Variants in MECR observed in about 807,000 individuals in gnomAD.
The protein encoded by MECR is mitochondrial trans-2-enoyl-CoA reductase.
In MECR, 37 loss-of-function variants were observed where a neutral mutation model predicts 49.1. The observed-to-expected ratio is 0.75, with a 90% CI of 0.58 to 0.99. MECR has a LOEUF of 0.99. MECR is among the 50% of genes least tolerant of loss of function. MECR has a pLI of 0.00. For synonymous variants in MECR, 198 were observed against 191.1 expected (o/e 1.04, Z -0.30); for missense variants, 470 against 479.6 (o/e 0.98, Z 0.19).
At chr1:29,177,772 C>T in the MECR span, among the ~76,000 whole-genome samples, 2 of 152,064 alleles carry the variant, frequency 1.3e-5, no homozygotes, top group East Asian at 1.9e-4. Flanking sequence ...AGGCAATGAA[C>T]TCTTGCTTAC....
At chr1:29,179,578 G>C in the MECR span, among the ~76,000 whole-genome samples, 1 of 152,028 alleles carries the variant, frequency 6.6e-6, no homozygotes, top group Non-Finnish European at 1.5e-5. Flanking sequence ...CAAACTCCTG[G>C]CCTGAAGTAA....
intron 7 of MECR, among the ~76,000 whole-genome samples, chr1:29,196,646 C>G (rs1055480742): frequency 6.6e-6 from 1 of 152,132 alleles, no homozygotes; most frequent in Non-Finnish European, 1.5e-5. Flanking sequence ...CCTGATCGCA[C>G]TACTGCACTC....
intron 7 of MECR, among the ~76,000 whole-genome samples, chr1:29,198,347 G>A (rs1196370117): frequency 1.3e-5 from 2 of 152,236 alleles, no homozygotes; most frequent in African/African-American, 4.8e-5. Flanking sequence ...AAGAGACGGA[G>A]GCCTGGATTG....
chr1:29,187,374 G>A, the MECR span, among the ~76,000 whole-genome samples: 1 of 151,524 alleles, frequency 6.6e-6, no homozygotes, highest in Non-Finnish European at 1.5e-5. Context: ...CACCATGCCT[G>A]GGTAATTTTT....
chr1:29,195,314 CTGCCTTCA>C, intron 9 of MECR, among the ~76,000 whole-genome samples: 1 of 152,248 alleles, frequency 6.6e-6, no homozygotes. Flanking sequence ...GCCTGAAACA[CTGCCTTCA>C]TGCCACCACC....
the MECR span, chr1:29,173,012 G>A: frequency 2.0e-5 from 3 of 151,720 alleles, no homozygotes; most frequent in Non-Finnish European, 2.9e-5. Flanking sequence ...ACACAAAATT[G>A]CACGTAAAAC....
intron 1 of MECR, among the ~76,000 whole-genome samples, chr1:29,217,459 C>T (rs533686977): frequency 6.6e-5 from 10 of 152,184 alleles, no homozygotes; most frequent in South Asian, 2.1e-4. Flanking sequence ...TCGTGATCTG[C>T]CTGCCTCGGC....
chr1:29,207,469 G>A (rs569391711), intron 3 of MECR, among the ~76,000 whole-genome samples: 209 of 152,010 alleles, frequency 1.4e-3, no homozygotes, highest in Non-Finnish European at 2.5e-3. Context: ...AATGGGGTGT[G>A]GTGGCTCATG....
the MECR span, among the ~76,000 whole-genome samples, chr1:29,176,783 T>C: frequency 6.6e-6 from 1 of 152,172 alleles, no homozygotes; most frequent in African/African-American, 2.4e-5. Flanking sequence ...AAAAATTTTC[T>C]GGTAATAATT....
rs901286591 is a variant in MECR, at chr1:29,206,610, T to G, written c.550+152A>C. 4.0e-5 allele frequency: 35 copies of G among 869,370 alleles called. No individual in the cohort carries two copies. The African/African-American group carries it at 5.6e-4, about 14-fold the overall frequency. 53.9% of individuals were successfully genotyped at this position (869,370 alleles called of 1,614,324 possible). Reference sequence around the variant, plus strand: ...TTCCTAGGAACCAAGCTAACATCTTTCTAAGTGAAAGCAACAACATTCACC... The same window carrying G: ...TTCCTAGGAACCAAGCTAACATCTTGCTAAGTGAAAGCAACAACATTCACC... On this transcript the variant is annotated intron_variant, in intron 4 of 9. Transcript: ENST00000263702.
the MECR span, chr1:29,181,984 C>G: frequency 2.7e-6 from 1 of 368,142 alleles, no homozygotes; most frequent in South Asian, 7.0e-5. Flanking sequence ...GCTTCCCGCT[C>G]GGCCAGGACT....
the MECR span, chr1:29,172,404 G>T: frequency 6.6e-6 from 1 of 152,124 alleles, no homozygotes; most frequent in Non-Finnish European, 1.5e-5. Flanking sequence ...CGGTTCTCCT[G>T]CCTCAGCCTC....
intron 1 of MECR, among the ~76,000 whole-genome samples, chr1:29,218,082 A>C (rs1488822546): frequency 1.3e-5 from 2 of 152,198 alleles, no homozygotes; most frequent in African/African-American, 4.8e-5. Flanking sequence ...AGCCTCTTCC[A>C]TGTTAAGTGG....
At chr1:29,215,190 T>C (rs1477531057) in intron 3 of MECR, among the ~76,000 whole-genome samples, 1 of 152,206 alleles carries the variant, frequency 6.6e-6, no homozygotes, top group African/African-American at 2.4e-5. Flanking sequence ...CTGCTGAGGC[T>C]ACAATGGATT....
intron 3 of MECR, among the ~76,000 whole-genome samples, chr1:29,210,548 T>C (rs984452550): frequency 1.3e-5 from 2 of 152,164 alleles, no homozygotes; most frequent in African/African-American, 4.8e-5. Context: ...ATCCAGGGCA[T>C]TTTCTAATTC....
intron 3 of MECR, 122 bp downstream of exon 3, chr1:29,215,883 A>G (rs1679268224): frequency 8.3e-7 from 1 of 1,208,082 alleles, no homozygotes; most frequent in South Asian, 1.6e-5. Context: ...AAATAAATAA[A>G]TAAATAAAAA....
chr1:29,201,177 G>C lies in MECR; in HGVS notation c.757-588C>G, dbSNP rs1675225281. ...AACTCATCTTCTCTGGGAAAGAATA[G>C]GCAAAGGGCATCTGCATGCAGTTTG... On this transcript the variant is annotated intron_variant, in intron 6 of 9. Coordinates refer to ENST00000263702, the MANE Select transcript of MECR (RefSeq NM_016011.5). This position sits in a 1 kb window ranked among gnomAD's most constrained non-coding sequence, Gnocchi z 4.3. Among the ~76,000 whole-genome samples the C allele has an allele frequency of 6.6e-6, 1 of 152,216 alleles. No individual in the cohort carries two copies. Among genetic ancestry groups the C allele is most frequent in the Non-Finnish European group, 1.5e-5 (1 of 68,046 alleles).
At chr1:29,216,782 G>A in intron 1 of MECR, 97 bp from the exon 2 acceptor site, 1 of 1,593,742 alleles carries the variant, frequency 6.3e-7, no homozygotes, top group Non-Finnish European at 8.6e-7. Flanking sequence ...CAACATTTCT[G>A]AGCTGCCATG....
chr1:29,200,526 G>A lies in MECR; in HGVS notation c.820C>T (p.Arg274Trp), dbSNP rs746692331. The change falls in exon 7 of 10, where the codon CGG (arginine) becomes TGG (tryptophan). Residue 274 changes from arginine (R) to tryptophan (W), a missense_variant. Physicochemically the swap from Arg to Trp is moderately radical, Grantham distance 101 (BLOSUM62 -3). Transcript: ENST00000263702. ...VGGKSSTELLRQLARGGTMVT... is the reference protein window; with the variant it reads ...VGGKSSTELLWQLARGGTMVT... Reference sequence around the variant, plus strand: ...GCCCAAGGGACTTACGCTAACTGCCGCAGCAGCTCTGTGGAGCTTTTCCCA... The same window carrying A: ...GCCCAAGGGACTTACGCTAACTGCCACAGCAGCTCTGTGGAGCTTTTCCCA... 5.1e-5 allele frequency: 83 copies of A among 1,613,114 alleles called. No individual in the cohort carries two copies. The highest frequency in any genetic ancestry group is 3.3e-4 in the Middle Eastern group (2 of 6,072).
Sources: allele counts gnomAD v4.1 joint callset (sites outside exome capture counted in the v4.1 genomes callset), GRCh38; gene constraint gnomAD v4.1.1; non-coding constraint Gnocchi (gnomAD v3.1); transcripts MANE v1.5; gene names NCBI Gene and HGNC (gene_info 2026-07-23, HGNC 2026-07-21).